The following ANO1 variants were observed in gnomAD, a reference collection of about 807,000 sequenced individuals.
The protein encoded by ANO1 is anoctamin 1, also known as anoctamin-1.
ANO1 carries 59 observed loss-of-function variants against 124.0 expected under a neutral mutation model. That is an observed-to-expected ratio of 0.48 (90% confidence interval 0.39 to 0.59). The LOEUF (loss-of-function observed/expected upper bound fraction) is 0.59, where lower values mean the gene tolerates loss of function less well. ANO1 is among the 20% of genes least tolerant of loss of function. The pLI is 0.00. For missense variants in ANO1, 1,059 were observed against 1,328.0 expected (o/e 0.80, Z 3.15); for synonymous variants, 529 against 532.0 (o/e 0.99, Z 0.08).
intron 11 of ANO1, among the ~76,000 whole-genome samples, chr11:70,145,421 G>A (rs1439388608): frequency 4.6e-5 from 7 of 152,188 alleles, no homozygotes; most frequent in Non-Finnish European, 1.0e-4. Context: ...GCTTTTAAAG[G>A]AGAAGCAGGA....
intron 22 of ANO1, among the ~76,000 whole-genome samples, chr11:70,175,340 G>T (rs760940058): frequency 1.3e-5 from 2 of 152,262 alleles, no homozygotes; most frequent in Non-Finnish European, 2.9e-5. Context: ...TTGTTTATGG[G>T]TTCCTTAACC....
At chr11:69,988,402 C>T (rs557795828) in intron 1 of ANO1, among the ~76,000 whole-genome samples, 1 of 152,314 alleles carries the variant, frequency 6.6e-6, no homozygotes. Context: ...TATGCCTTAT[C>T]TGTAAAGTCC....
At chr11:70,151,436 G>GT (rs2047599160) in intron 12 of ANO1, among the ~76,000 whole-genome samples, 1 of 152,022 alleles carries the variant, frequency 6.6e-6, no homozygotes, top group Non-Finnish European at 1.5e-5. Flanking sequence ...TTCCCTTGCC[G>GT]TTTCAATTAG....
chr11:70,073,949 G>A (rs1013205521), upstream of ANO1, among the ~76,000 whole-genome samples: 4 of 150,374 alleles, frequency 2.7e-5, no homozygotes, highest in South Asian at 2.1e-4. Flanking sequence ...GCGGTTGGCC[G>A]GCCTCTGCTC....
intron 1 of ANO1, among the ~76,000 whole-genome samples, chr11:70,063,507 G>A (rs1857644582): frequency 6.6e-6 from 1 of 152,086 alleles, no homozygotes; most frequent in Non-Finnish European, 1.5e-5. Context: ...CTGGGAAGCC[G>A]AGCATTCCCA....
chr11:70,142,056 G>A (rs1241199712), intron 11 of ANO1, among the ~76,000 whole-genome samples: 1 of 152,192 alleles, frequency 6.6e-6, no homozygotes, highest in African/African-American at 2.4e-5. Context: ...TCAGCTTGCT[G>A]CTGTCTGGAA....
At chr11:70,117,421 C>T (rs536505505) in intron 8 of ANO1, among the ~76,000 whole-genome samples, 1 of 152,220 alleles carries the variant, frequency 6.6e-6, no homozygotes, top group South Asian at 2.1e-4. Context: ...CTCCCCAAAG[C>T]GTTGGTCCCC....
chr11:70,042,481 C>T (rs1226437722), intron 1 of ANO1, among the ~76,000 whole-genome samples: 3 of 151,194 alleles, frequency 2.0e-5, no homozygotes, highest in East Asian at 3.9e-4. Context: ...TGCATGCGTG[C>T]GTATGCACGC....
At chr11:70,042,236 A>T (rs1261885178) in intron 1 of ANO1, among the ~76,000 whole-genome samples, 1 of 152,226 alleles carries the variant, frequency 6.6e-6, no homozygotes, top group African/African-American at 2.4e-5. Context: ...AATGTGGGAC[A>T]GCAGCCCTGA....
intron 11 of ANO1, among the ~76,000 whole-genome samples, chr11:70,138,506 CAAAA>C (rs564343150): frequency 7.9e-6 from 1 of 125,978 alleles, no homozygotes; most frequent in Non-Finnish European, 1.7e-5. Flanking sequence ...AAGTCCGTCT[CAAAA>C]AAAAAAAAAA....
Position 70,171,048 on chromosome 11 carries a change from C to T in ANO1, c.2350+9C>T. The T allele has an allele frequency of 1.2e-6, 2 of 1,610,144 alleles. No homozygotes were observed. The highest frequency in any genetic ancestry group is 4.5e-5 in the East Asian group (2 of 44,740). Reference sequence around the variant, plus strand: ...CAGAGCCAAAGACATCGGTGAGTGACCCCACGGGCCGGCAGAACCGGTTCC... The same window carrying T: ...CAGAGCCAAAGACATCGGTGAGTGATCCCACGGGCCGGCAGAACCGGTTCC... On this transcript the variant is annotated intron_variant, in intron 22 of 25. Transcript: ENST00000355303.
At chr11:70,119,066 G>T (rs111211129) in intron 8 of ANO1, among the ~76,000 whole-genome samples, 3 of 147,284 alleles carry the variant, frequency 2.0e-5, no homozygotes, top group African/African-American at 7.6e-5. Flanking sequence ...GTGGGTGAGC[G>T]GGTAGGTGAA....
intron 1 of ANO1, among the ~76,000 whole-genome samples, chr11:70,041,259 G>A (rs1213222464): frequency 1.3e-5 from 2 of 152,168 alleles, no homozygotes; most frequent in Non-Finnish European, 2.9e-5. Flanking sequence ...ACAGGAGAGG[G>A]CAAGTAAATT....
chr11:70,166,450 C>G (rs1285345646), intron 20 of ANO1, among the ~76,000 whole-genome samples: 1 of 152,238 alleles, frequency 6.6e-6, no homozygotes, highest in African/African-American at 2.4e-5. Context: ...CCAGGTGCCC[C>G]CAAGCCCGAT....
intron 10 of ANO1, chr11:70,129,270 C>T (rs528996719): frequency 2.6e-5 from 4 of 152,178 alleles, no homozygotes; most frequent in African/African-American, 9.7e-5. Flanking sequence ...ACGTGATGGC[C>T]GAGGGGTGCC....
chr11:70,176,915 G>A (rs1007285558), intron 22 of ANO1, among the ~76,000 whole-genome samples: 2 of 152,150 alleles, frequency 1.3e-5, no homozygotes, highest in Admixed American at 6.5e-5. Context: ...CGTGGGCTGG[G>A]GCTGGGGTGC....
At chr11:70,097,357 C>G (rs2045031930) in intron 2 of ANO1, among the ~76,000 whole-genome samples, 1 of 152,132 alleles carries the variant, frequency 6.6e-6, no homozygotes, top group Non-Finnish European at 1.5e-5. Context: ...AGAAGCAATC[C>G]CTCAACTGTG....
intron 21 of ANO1, among the ~76,000 whole-genome samples, chr11:70,167,953 G>A (rs1019879402): frequency 6.6e-5 from 10 of 152,166 alleles, no homozygotes; most frequent in African/African-American, 2.4e-4. Context: ...AGTTGCAGGA[G>A]CCACGACTTG....
chr11:69,988,797 AACTC>A (rs1361471596), intron 1 of ANO1, among the ~76,000 whole-genome samples: 5 of 152,140 alleles, frequency 3.3e-5, no homozygotes, highest in Non-Finnish European at 7.4e-5. Context: ...ATGTCTGCCC[AACTC>A]ACTCCTGCAC....
Sources: allele counts gnomAD v4.1 joint callset (sites outside exome capture counted in the v4.1 genomes callset), GRCh38; gene constraint gnomAD v4.1.1; transcripts MANE v1.5; gene names NCBI Gene and HGNC (gene_info 2026-07-23, HGNC 2026-07-21).